UNC5C: variants seen among roughly 807,000 people sequenced by gnomAD.
UNC5C encodes the protein unc-5 netrin receptor C, also known as netrin receptor UNC5C.
In UNC5C, 47 loss-of-function variants were observed where a neutral mutation model predicts 99.8. The ratio of observed to expected loss-of-function variants is 0.47; its 90% CI spans 0.37 to 0.60. The LOEUF (loss-of-function observed/expected upper bound fraction) is 0.60, where lower values mean the gene tolerates loss of function less well. Among genes scored for constraint, UNC5C ranks in the 20% least tolerant of loss-of-function variants. The pLI, the probability that UNC5C is intolerant of heterozygous loss-of-function variation, is 0.00. For missense variants in UNC5C, 1,062 were observed against 1,165.9 expected (o/e 0.91, Z 1.30); for synonymous variants, 487 against 452.2 (o/e 1.08, Z -0.98).
Position 95,340,663 on chromosome 4 carries a change from C to CT in UNC5C, c.125-5033dup, listed in dbSNP as rs111778360. Among the ~76,000 whole-genome samples the CT allele has an allele frequency of 3.8e-3, 577 of 151,984 alleles. 3 individuals are homozygous for CT. The highest frequency in any genetic ancestry group is 9.8e-3 in the African/African-American group (408 of 41,484). On this transcript the variant is annotated intron_variant, in intron 1 of 15. Coordinates refer to ENST00000453304, the MANE Select transcript of UNC5C (RefSeq NM_003728.4). ...GAATGATTTCTAACTTCAAAACAAACTTTTTTTTGCTTTTAAAGAAATACT... is the reference window on the plus strand; with the variant it reads ...GAATGATTTCTAACTTCAAAACAAACTTTTTTTTTGCTTTTAAAGAAATACT...
chr4:95,380,015 C>T (rs1375080480), intron 1 of UNC5C, among the ~76,000 whole-genome samples: 1 of 152,088 alleles, frequency 6.6e-6, no homozygotes, highest in Non-Finnish European at 1.5e-5. Flanking sequence ...TTACTTTGCT[C>T]CTACTCCATT....
chr4:95,359,825 A>G (rs1271496914), intron 1 of UNC5C, among the ~76,000 whole-genome samples: 1 of 152,204 alleles, frequency 6.6e-6, no homozygotes, highest in Non-Finnish European at 1.5e-5. Context: ...AATATTTTAA[A>G]GAATAACAAA....
intron 7 of UNC5C, among the ~76,000 whole-genome samples, chr4:95,241,016 A>G (rs1404313215): frequency 6.6e-6 from 1 of 152,256 alleles, no homozygotes; most frequent in East Asian, 1.9e-4. Flanking sequence ...GAAAGGCAGA[A>G]AGATAGAAAA....
At chr4:95,457,289 C>G (rs937102368) in intron 1 of UNC5C, among the ~76,000 whole-genome samples, 6 of 151,964 alleles carry the variant, frequency 3.9e-5, no homozygotes, top group Non-Finnish European at 8.8e-5. Flanking sequence ...AAGAAGGGAA[C>G]CATTTTTCAT....
In UNC5C at chr4:95,206,647, G is replaced by T. The variant is rs141976218; in HGVS notation, c.1883C>A (p.Ala628Glu). The T allele has an allele frequency of 2.1e-3, 3,363 of 1,614,108 alleles. 8 individuals are homozygous for T. Among genetic ancestry groups the T allele is most frequent in the Non-Finnish European group, 2.5e-3 (2,909 of 1,180,008 alleles). ...GCTCACCTCCCACTGTCCCTGTGCT[G>T]CCTGGTTCTTGAGCAGTATTTTCCA... Reference protein sequence around the residue: ...EDWKILLKNQAAQGQWEDVVV... With the variant: ...EDWKILLKNQEAQGQWEDVVV... The change falls in exon 11 of 16, where the codon GCA becomes GAA. Residue 628 changes from alanine to glutamate, a missense_variant. Around this residue, in one of 3 missense-constraint regions of UNC5C, gnomAD observed 810 missense variants for 854.5 expected, o/e 0.95. Transcript: ENST00000453304.
intron 1 of UNC5C, among the ~76,000 whole-genome samples, chr4:95,336,903 C>G (rs1228353781): frequency 6.6e-6 from 1 of 151,856 alleles, no homozygotes; most frequent in Admixed American, 6.6e-5. Context: ...CATCAAGGAC[C>G]AAAATTGTCA....
chr4:95,448,399 A>C (rs1438439592), intron 1 of UNC5C, among the ~76,000 whole-genome samples: 2 of 152,174 alleles, frequency 1.3e-5, no homozygotes, highest in East Asian at 3.9e-4. Flanking sequence ...TACTTTCCTC[A>C]TATGAGAAAG....
intron 1 of UNC5C, among the ~76,000 whole-genome samples, chr4:95,506,473 G>A (rs1460211390): frequency 6.6e-6 from 1 of 151,874 alleles, no homozygotes; most frequent in East Asian, 1.9e-4. Flanking sequence ...CATAATACTC[G>A]GTAGTAATTT....
At chr4:95,245,599 A>G (rs1485969989) in intron 5 of UNC5C, among the ~76,000 whole-genome samples, 3 of 152,252 alleles carry the variant, frequency 2.0e-5, no homozygotes, top group African/African-American at 7.2e-5. Context: ...TGTAAACTTT[A>G]CAACGTTTTA....
chr4:95,511,201 A>G (rs1722061691), intron 1 of UNC5C, among the ~76,000 whole-genome samples: 1 of 152,128 alleles, frequency 6.6e-6, no homozygotes, highest in Non-Finnish European at 1.5e-5. Flanking sequence ...TAATAATATC[A>G]GGGCAGAAGA....
At chr4:95,545,768 G>GCA (rs1723042988) in intron 1 of UNC5C, among the ~76,000 whole-genome samples, 1 of 128,056 alleles carries the variant, frequency 7.8e-6, no homozygotes, top group Non-Finnish European at 1.6e-5. Flanking sequence ...ACACGCGCGC[G>GCA]CGCGCACACA....
chr4:95,458,878 T>TTA (rs1747517785), intron 1 of UNC5C, among the ~76,000 whole-genome samples: 2 of 152,156 alleles, frequency 1.3e-5, no homozygotes, highest in Non-Finnish European at 2.9e-5. Context: ...TGATGGGAAT[T>TTA]TATATATATC....
chr4:95,314,141 G>A (rs985517202), intron 2 of UNC5C, among the ~76,000 whole-genome samples: 9 of 152,148 alleles, frequency 5.9e-5, no homozygotes, highest in African/African-American at 1.9e-4. Context: ...GGGGAGAAGA[G>A]CACCACTAAT....
At position 95,219,733 on chromosome 4, in the gene UNC5C, A is replaced by C. The variant is rs1738396804; in HGVS notation, c.1300+252T>G. On this transcript the variant is annotated intron_variant, in intron 8 of 15. Coordinates refer to ENST00000453304, the MANE Select transcript of UNC5C (RefSeq NM_003728.4). ...AAGAGACTCAAGAAATCAGTCAACCAATCAGGGTACTCTTTTCGATTAGAA... is the reference window on the plus strand; with the variant it reads ...AAGAGACTCAAGAAATCAGTCAACCCATCAGGGTACTCTTTTCGATTAGAA... Among the ~76,000 whole-genome samples the C allele has an allele frequency of 2.0e-5, 3 of 152,228 alleles. No homozygotes were observed. In the South Asian group the frequency reaches 6.2e-4, roughly 31 times the overall value.
At chr4:95,329,218 G>A (rs1743019278) in intron 2 of UNC5C, among the ~76,000 whole-genome samples, 1 of 152,172 alleles carries the variant, frequency 6.6e-6, no homozygotes, top group Admixed American at 6.5e-5. Context: ...GAGCCCAGGA[G>A]TTTGAAGCTT....
At chr4:95,257,338 A>G (rs1191797806) in intron 4 of UNC5C, among the ~76,000 whole-genome samples, 3 of 152,266 alleles carry the variant, frequency 2.0e-5, no homozygotes, top group South Asian at 2.1e-4. Context: ...TGGGAGGTCA[A>G]GGATATAGAG....
At chr4:95,295,241 G>A (rs1242819614) in intron 3 of UNC5C, among the ~76,000 whole-genome samples, 1 of 152,192 alleles carries the variant, frequency 6.6e-6, no homozygotes, top group Non-Finnish European at 1.5e-5. Flanking sequence ...GACACTGGGA[G>A]CTGTATTACA....
intron 4 of UNC5C, among the ~76,000 whole-genome samples, chr4:95,274,176 G>A (rs1373960285): frequency 6.6e-6 from 1 of 152,168 alleles, no homozygotes; most frequent in African/African-American, 2.4e-5. Context: ...ATTGTGGCAT[G>A]TGGGGGCTGC....
chr4:95,362,618 G>A (rs1744427980), intron 1 of UNC5C, among the ~76,000 whole-genome samples: 1 of 152,076 alleles, frequency 6.6e-6, no homozygotes, highest in Non-Finnish European at 1.5e-5. Context: ...CTTGATTTGG[G>A]CTTCTTTCAC....
Sources: allele counts gnomAD v4.1 joint callset (sites outside exome capture counted in the v4.1 genomes callset), GRCh38; gene constraint gnomAD v4.1.1; regional missense constraint gnomAD v4.1.1; transcripts MANE v1.5; gene names NCBI Gene and HGNC (gene_info 2026-07-23, HGNC 2026-07-21).